CYP24A1: variants seen among roughly 807,000 people sequenced by gnomAD.
CYP24A1 encodes cytochrome P450 family 24 subfamily A member 1.
CYP24A1 carries 68 observed loss-of-function variants against 62.4 expected under a neutral mutation model. The ratio of observed to expected loss-of-function variants is 1.09; its 90% confidence interval spans 0.90 to 1.33. The LOEUF is 1.33. CYP24A1 is among the 40% of genes most tolerant of loss of function. The pLI, the probability that CYP24A1 is intolerant of heterozygous loss-of-function variation, is 0.00. For missense variants in CYP24A1, 787 were observed against 653.0 expected (o/e 1.21, Z -2.24); for synonymous variants, 267 against 253.0 (o/e 1.06, Z -0.52).
intron 7 of CYP24A1, among the ~76,000 whole-genome samples, chr20:54,160,341 C>T (rs765773596): frequency 6.6e-6 from 1 of 152,236 alleles, no homozygotes; most frequent in Admixed American, 6.5e-5. Flanking sequence ...ATATTCACCA[C>T]TAGTAGTCAT....
Position 54,157,439 on chromosome 20 carries a change from C to T in CYP24A1, c.1383G>A (p.Met461Ile), listed in dbSNP as rs751464045. ...AHLPFGVGKR[M>I]CIGRRLAELQ... ...GCTCTGCTAATCGGCGACCAATGCA[C>T]ATTCTTTTTCCAACGCCAAATGGAA... The change falls in exon 10 of 12, where the codon ATG (methionine) becomes ATA (isoleucine). Residue 461 changes from methionine (M) to isoleucine (I), a missense_variant. Transcript: ENST00000216862. 6.2e-7 allele frequency: 1 copy of T among 1,607,600 alleles called. No homozygotes were observed. Among genetic ancestry groups the T allele is most frequent in the Non-Finnish European group, 8.5e-7 (1 of 1,174,000 alleles).
downstream of CYP24A1, among the ~76,000 whole-genome samples, chr20:54,148,887 A>G (rs2092608467): frequency 6.6e-6 from 1 of 152,216 alleles, no homozygotes; most frequent in African/African-American, 2.4e-5. Context: ...TGGGCAGATC[A>G]CAAGGTCGAG....
intron 11 of CYP24A1, chr20:54,155,022 C>G (rs1362899193): frequency 1.4e-5 from 1 of 70,164 alleles, no homozygotes; most frequent in Non-Finnish European, 3.0e-5. Context: ...TGTATTTAAA[C>G]AAGACAAATT....
chr20:54,169,283 T>G (rs1280591614), intron 4 of CYP24A1, among the ~76,000 whole-genome samples: 2 of 152,234 alleles, frequency 1.3e-5, no homozygotes, highest in Non-Finnish European at 2.9e-5. Flanking sequence ...ACTTGTTGAC[T>G]GTCACCTTGT....
intron 2 of CYP24A1, 176 bp downstream of exon 2, chr20:54,172,733 C>T (rs2092698079): frequency 1.4e-6 from 2 of 1,434,530 alleles, no homozygotes; most frequent in African/African-American, 2.9e-5. Flanking sequence ...CGTGGACCGA[C>T]TCTAATCTGT....
intron 7 of CYP24A1, chr20:54,162,497 A>G: frequency 1.8e-6 from 1 of 551,702 alleles, no homozygotes; most frequent in East Asian, 3.1e-5. Flanking sequence ...CCGTGCATGG[A>G]GGCACCGTGG....
At chr20:54,165,627 CTA>C in intron 5 of CYP24A1, 113 bp downstream of exon 5, 2 of 750,160 alleles carry the variant, frequency 2.7e-6, no homozygotes, top group South Asian at 2.9e-5. Flanking sequence ...GAACACTTAA[CTA>C]TTGAAATAAA....
intron 11 of CYP24A1, among the ~76,000 whole-genome samples, chr20:54,156,009 AT>A (rs762954231): frequency 2.0e-5 from 3 of 152,188 alleles, no homozygotes; most frequent in Non-Finnish European, 4.4e-5. Context: ...GAACTCCTCT[AT>A]TGTCAGAAAA....
the CYP24A1 span, among the ~76,000 whole-genome samples, chr20:54,146,884 A>T: frequency 1.3e-5 from 2 of 152,244 alleles, no homozygotes; most frequent in Admixed American, 6.5e-5. Flanking sequence ...TCTAGAGGAC[A>T]AAACAATCAT....
intron 2 of CYP24A1, among the ~76,000 whole-genome samples, chr20:54,172,374 A>G (rs2092696976): frequency 6.6e-6 from 1 of 152,198 alleles, no homozygotes; most frequent in South Asian, 2.1e-4. Context: ...ATCACATCCC[A>G]TAGTAGCATT....
intron 11 of CYP24A1, among the ~76,000 whole-genome samples, chr20:54,156,678 A>G (rs1043911636): frequency 6.6e-6 from 1 of 152,222 alleles, no homozygotes; most frequent in African/African-American, 2.4e-5. Flanking sequence ...CGTGTAACTC[A>G]CTAAGTTTTA....
Position 54,169,591 on chromosome 20 carries a change from C to T in CYP24A1, c.640+1G>A, listed in dbSNP as rs752171056. 1.9e-6 allele frequency: 3 copies of T among 1,614,042 alleles called. No individual in the cohort carries two copies. The highest frequency in any genetic ancestry group is 2.5e-6 in the Non-Finnish European group (3 of 1,180,002). The stretch of plus-strand genomic sequence containing the variant: ...TGAGCAAGTCTGTGACGACAACTTA[C>T]TTTCAAACGACCATTTGTTCAGTTC... On this transcript the variant is annotated splice_donor_variant, in intron 4 of 11. Coordinates refer to ENST00000216862, the MANE Select transcript of CYP24A1 (RefSeq NM_000782.5). LOFTEE classifies it high-confidence loss of function.
rs745888083 is a variant in CYP24A1 at position 54,169,873 on chromosome 20, C to T, written c.544-185G>A. Among the ~76,000 whole-genome samples, 5 of 152,320 alleles carry T rather than the reference C, an allele frequency of 3.3e-5. No homozygotes were observed. The East Asian group carries it at 9.6e-4, about 29-fold the overall frequency. On this transcript the variant is annotated intron_variant, in intron 3 of 11. Transcript: ENST00000216862. The stretch of plus-strand genomic sequence containing the variant: ...AACCCACCTTATCCCCTAATGACCT[C>T]GTCCTGGGTTATTTCCTGAGCTTTT...
At chr20:54,161,702 G>A (rs1016300447) in intron 7 of CYP24A1, among the ~76,000 whole-genome samples, 1 of 152,096 alleles carries the variant, frequency 6.6e-6, no homozygotes, top group Non-Finnish European at 1.5e-5. Flanking sequence ...GGGTGACACT[G>A]TACTTTGATC....
Position 54,162,841 on chromosome 20 carries a change from C to A in CYP24A1, c.866G>T (p.Arg289Leu), listed in dbSNP as rs749195896. 2.5e-6 allele frequency: 4 copies of A among 1,575,370 alleles called. No individual in the cohort carries two copies. In the South Asian group the frequency reaches 4.4e-5, roughly 17 times the overall value. ...AGGCTGCTGAGAATACTTCTCTAAC[C>A]GGTTGTCGATACAAGCTTTGACTAT... Reference protein sequence around the residue: ...FKSVKACIDNRLEKYSQQPSA... With the variant: ...FKSVKACIDNLLEKYSQQPSA... The change falls in exon 7 of 12, where the codon CGG (arginine) becomes CTG (leucine). Residue 289 changes from arginine (R) to leucine (L), a missense_variant. Transcript: ENST00000216862.
intron 4 of CYP24A1, among the ~76,000 whole-genome samples, chr20:54,169,008 C>T (rs1407341257): frequency 2.6e-5 from 4 of 151,990 alleles, no homozygotes; most frequent in African/African-American, 9.7e-5. Flanking sequence ...AGCAATCCTC[C>T]CACCTCAGCC....
chr20:54,155,459 G>A (rs1402871705), intron 11 of CYP24A1, among the ~76,000 whole-genome samples: 1 of 151,986 alleles, frequency 6.6e-6, no homozygotes, highest in Non-Finnish European at 1.5e-5. Context: ...CACCACCAGG[G>A]GTGGTGGCTC....
chr20:54,167,632 G>C (rs556869311), intron 4 of CYP24A1, among the ~76,000 whole-genome samples: 6 of 152,242 alleles, frequency 3.9e-5, no homozygotes, highest in Admixed American at 2.6e-4. Flanking sequence ...AATCAGCCAG[G>C]CATGGTGGTG....
intron 11 of CYP24A1, among the ~76,000 whole-genome samples, chr20:54,156,947 C>G (rs1302580574): frequency 6.6e-6 from 1 of 151,890 alleles, no homozygotes. Flanking sequence ...GGAATAACTA[C>G]TTGGTATTCA....
Sources: allele counts gnomAD v4.1 joint callset (sites outside exome capture counted in the v4.1 genomes callset), GRCh38; gene constraint gnomAD v4.1.1; transcripts MANE v1.5; gene names NCBI Gene and HGNC (gene_info 2026-07-23, HGNC 2026-07-21).